Variants in FN3K observed in about 807,000 individuals in gnomAD.
The protein encoded by FN3K is fructosamine 3 kinase.
A neutral mutation model predicts 24.8 loss-of-function variants in FN3K; 24 were observed. The ratio of observed to expected loss-of-function variants is 0.97; its 90% CI spans 0.70 to 1.36. The LOEUF is 1.36. Ranked by LOEUF, FN3K falls within the 40% of genes most tolerant of loss-of-function variation. FN3K has a pLI of 0.00. For missense variants in FN3K, 449 were observed against 416.7 expected (o/e 1.08, Z -0.67); for synonymous variants, 192 against 175.2 (o/e 1.10, Z -0.76).
chr17:82,739,158 A>T (rs1305938230), intron 2 of FN3K, among the ~76,000 whole-genome samples: 1 of 151,294 alleles, frequency 6.6e-6, no homozygotes, highest in Non-Finnish European at 1.5e-5. Flanking sequence ...ATGTTGGCTG[A>T]GTTGGTCTCA....
rs927625357 is a variant in FN3K, at chr17:82,737,022, G to A, written c.141+1245G>A. Among the ~76,000 whole-genome samples, 4 of 152,144 alleles carry A rather than the reference G, an allele frequency of 2.6e-5. No individual in the cohort carries two copies. The East Asian group carries it at 7.7e-4, about 29-fold the overall frequency. ...TGGGGCTTAGCAGCCCCAAGGCCGGGAGTTCCTGGCCTGGTGCATGGGGGG... is the reference window on the plus strand; with the variant it reads ...TGGGGCTTAGCAGCCCCAAGGCCGGAAGTTCCTGGCCTGGTGCATGGGGGG... On this transcript the variant is annotated intron_variant, in intron 1 of 5. Coordinates refer to ENST00000300784, the MANE Select transcript of FN3K (RefSeq NM_022158.4).
chr17:82,736,153 C>T, intron 1 of FN3K: 1 of 245,294 alleles, frequency 4.1e-6, no homozygotes, highest in South Asian at 5.3e-5. Flanking sequence ...GGCAGGGACC[C>T]CACGGGCCAG....
chr17:82,741,926 A>G (rs1445598422), intron 4 of FN3K, among the ~76,000 whole-genome samples: 2 of 151,610 alleles, frequency 1.3e-5, no homozygotes, highest in African/African-American at 4.9e-5. Flanking sequence ...TATTTTTTTG[A>G]GACGGCATTT....
intron 1 of FN3K, among the ~76,000 whole-genome samples, chr17:82,737,120 A>T (rs796081431): frequency 5.9e-5 from 9 of 152,282 alleles, no homozygotes; most frequent in African/African-American, 2.2e-4. Context: ...CCCTCGGTGC[A>T]GGCTGGCCAG....
In FN3K at chr17:82,741,378, C is replaced by T. The variant is rs140283056; in HGVS notation, c.453C>T (p.Cys151=). 3.1e-5 allele frequency: 50 copies of T among 1,613,316 alleles called. No homozygotes were observed. The highest frequency in any genetic ancestry group is 1.7e-4 in the Admixed American group (10 of 59,942). Reference sequence around the variant, plus strand: ...TCGGCTTCCACACGGTGACGTGCTGCGGCTTCATCCCGCAGGTGAGTGCCT... The same window carrying T: ...TCGGCTTCCACACGGTGACGTGCTGTGGCTTCATCCCGCAGGTGAGTGCCT... ...DKFGFHTVTC[C]GFIPQVNEWQ... Residue 151 remains cysteine, a synonymous_variant, in exon 4 of 6, where the codon TGC becomes TGT. Coordinates refer to ENST00000300784, the MANE Select transcript of FN3K (RefSeq NM_022158.4).
chr17:82,747,532 C>T (rs1598343391), intron 4 of FN3K, among the ~76,000 whole-genome samples: 1 of 152,174 alleles, frequency 6.6e-6, no homozygotes, highest in African/African-American at 2.4e-5. Flanking sequence ...TCCCGAGTAG[C>T]TGGGACTACA....
At chr17:82,750,082 C>T (rs1478953917) in intron 5 of FN3K, among the ~76,000 whole-genome samples, 1 of 151,736 alleles carries the variant, frequency 6.6e-6, no homozygotes, top group African/African-American at 2.4e-5. Context: ...CAAAACCAAA[C>T]AAAACCTGCA....
intron 2 of FN3K, among the ~76,000 whole-genome samples, chr17:82,739,603 G>A (rs1000244645): frequency 8.6e-5 from 13 of 151,810 alleles, no homozygotes; most frequent in Non-Finnish European, 1.6e-4. Context: ...GACTACAGGC[G>A]CCCGCCACCA....
In FN3K at chr17:82,750,857, CCCGTCTCCCCGTCCCT is replaced by C. The variant is rs2047021738; in HGVS notation, c.*111_*126del. The C allele has an allele frequency of 2.4e-6, 2 of 816,934 alleles. No homozygotes were observed. The highest frequency in any genetic ancestry group is 3.7e-6 in the Non-Finnish European group (2 of 545,778). The allele number at this position is 816,934 out of a possible 1,614,324, so 50.6% of individuals were successfully genotyped here. On this transcript the variant is annotated 3_prime_UTR_variant, in exon 6 of 6. Coordinates refer to ENST00000300784, the MANE Select transcript of FN3K (RefSeq NM_022158.4). ...GTGCCCCCGTCCCTGTCCCCCTGTT[CCCGTCTCCCCGTCCCT>C]CCGTCTCCATCCCCCCGTCCCCCCA...
Position 82,748,936 on chromosome 17 carries a change from T to C in FN3K, c.550T>C (p.Tyr184His). The stretch of plus-strand genomic sequence containing the variant: ...GCAGCTGGACCTCATTGAGAAGGAC[T>C]ATGCTGACCGAGAGGCACGAGAACT... ...QAQLDLIEKD[Y>H]ADREARELWS... Residue 184 changes from tyrosine (Y) to histidine (H), a missense_variant, in exon 5 of 6, where the codon TAT becomes CAT. Tyr to His is a moderately conservative substitution (Grantham distance 83). Coordinates refer to ENST00000300784, the MANE Select transcript of FN3K (RefSeq NM_022158.4). 1 of 1,614,178 alleles carries C rather than the reference T, an allele frequency of 6.2e-7. No individual in the cohort carries two copies.
intron 2 of FN3K, among the ~76,000 whole-genome samples, chr17:82,740,420 C>CAAAAA (rs71369031): frequency 5.5e-4 from 40 of 73,090 alleles, no homozygotes; most frequent in East Asian, 9.1e-4. Context: ...CCCATCTCTA[C>CAAAAA]AAAAAAAAAA....
chr17:82,747,812 G>C (rs2046976946), intron 4 of FN3K, among the ~76,000 whole-genome samples: 1 of 152,160 alleles, frequency 6.6e-6, no homozygotes, highest in South Asian at 2.1e-4. Flanking sequence ...TCTTCTTATA[G>C]GCCACTAATC....
At chr17:82,738,002 T>G (rs1172149375) in intron 1 of FN3K, 1 of 162,470 alleles carries the variant, frequency 6.2e-6, no homozygotes, top group African/African-American at 2.4e-5. Context: ...GCCGTGCCTT[T>G]TACCTTCCCA....
chr17:82,743,694 A>AT (rs2046953152), intron 4 of FN3K, among the ~76,000 whole-genome samples: 1 of 152,236 alleles, frequency 6.6e-6, no homozygotes, highest in Non-Finnish European at 1.5e-5. Flanking sequence ...GCAGGTAACC[A>AT]GGCAGATAAT....
rs758621858 is a variant in FN3K at position 82,750,800 on chromosome 17, TCCCCGTCCCTGTCCCCCCGTC to T, written c.*58_*78del. ...CCCTGTCCCCGTCCCCGTCTCCGTC[TCCCCGTCCCTGTCCCCCCGTC>T]CCCCGTCCCTGTGCCCCCGTCCCTG... is the stretch of plus-strand genomic sequence containing the variant. On this transcript the variant is annotated 3_prime_UTR_variant, in exon 6 of 6. Coordinates refer to ENST00000300784, the MANE Select transcript of FN3K (RefSeq NM_022158.4). 564 of 1,402,986 alleles carry T rather than the reference TCCCCGTCCCTGTCCCCCCGTC, an allele frequency of 4.0e-4. 1 individual carries two copies. Among genetic ancestry groups the T allele is most frequent in the South Asian group, 6.9e-4 (58 of 84,174 alleles). The allele number at this position is 1,402,986 out of a possible 1,614,324, so 86.9% of individuals were successfully genotyped here.
At chr17:82,741,531 C>G in intron 4 of FN3K, 138 bp downstream of exon 4, 2 of 810,250 alleles carry the variant, frequency 2.5e-6, no homozygotes, top group Non-Finnish European at 4.0e-6. Context: ...GCTGTGATAC[C>G]TGGAATGGGG....
chr17:82,747,074 C>T (rs533655772), intron 4 of FN3K, among the ~76,000 whole-genome samples: 4 of 152,194 alleles, frequency 2.6e-5, no homozygotes, highest in Admixed American at 1.3e-4. Context: ...CTGCCTGCCT[C>T]GGCCTCCCAA....
In FN3K at chr17:82,738,436, G is replaced by T. The variant is rs769149461; in HGVS notation, c.142-53G>T. 10 of 1,609,870 alleles carry T rather than the reference G, an allele frequency of 6.2e-6. No individual in the cohort carries two copies. The South Asian group carries it at 1.1e-4, about 18-fold the overall frequency. ...GTAGCTTCTGTCAAGGGCCCAGTGGGCAGAGGCCCTGGCTGAGTCAACAAG... is the reference window on the plus strand; with the variant it reads ...GTAGCTTCTGTCAAGGGCCCAGTGGTCAGAGGCCCTGGCTGAGTCAACAAG... On this transcript the variant is annotated intron_variant, in intron 1 of 5. Coordinates refer to ENST00000300784, the MANE Select transcript of FN3K (RefSeq NM_022158.4).
chr17:82,750,592 C>T lies in FN3K; in HGVS notation c.767C>T (p.Pro256Leu), dbSNP rs768567864. 2.5e-6 allele frequency: 4 copies of T among 1,614,132 alleles called. No individual in the cohort carries two copies. In the South Asian group the frequency reaches 4.4e-5, roughly 18 times the overall value. The change falls in exon 6 of 6, where the codon CCC becomes CTC. Residue 256 changes from proline (P) to leucine (L), a missense_variant. Pro to Leu is a moderately conservative substitution (Grantham distance 98). Coordinates refer to ENST00000300784, the MANE Select transcript of FN3K (RefSeq NM_022158.4). ...LAIALMFGGF[P>L]RSFFTAYHRK... ...ATCGCCTTGATGTTTGGGGGGTTCC[C>T]CAGATCCTTCTTCACCGCCTACCAC... is the stretch of plus-strand genomic sequence containing the variant.
Sources: allele counts gnomAD v4.1 joint callset (sites outside exome capture counted in the v4.1 genomes callset), GRCh38; gene constraint gnomAD v4.1.1; transcripts MANE v1.5; gene names NCBI Gene and HGNC (gene_info 2026-07-23, HGNC 2026-07-21).